The following OPTN variants were observed in gnomAD, a reference collection of about 807,000 sequenced individuals.
The protein encoded by OPTN is optineurin, also known as E3-14.7K-interacting protein.
In OPTN, 54 loss-of-function variants were observed where a neutral mutation model predicts 70.4. That is an observed-to-expected ratio of 0.77 (90% CI 0.62 to 0.96). The LOEUF is 0.96. Ranked by LOEUF, OPTN falls within the 40% of genes least tolerant of loss-of-function variation. OPTN has a pLI of 0.00. For synonymous variants in OPTN, 256 were observed against 248.5 expected (o/e 1.03, Z -0.28); for missense variants, 624 against 673.2 (o/e 0.93, Z 0.81).
chr10:13,133,501 G>T lies in OPTN; in HGVS notation c.1533-1G>T. ...CAGCGTGTTGCTTTTCGTCCTGGCAGGCAGTCCTTGATGGAGATGCAGAGT... is the reference window on the plus strand; with the variant it reads ...CAGCGTGTTGCTTTTCGTCCTGGCATGCAGTCCTTGATGGAGATGCAGAGT... On this transcript the variant is annotated splice_acceptor_variant, in intron 13 of 14. Transcript: ENST00000378747. LOFTEE classifies it high-confidence loss of function. 1 of 1,614,078 alleles carries T rather than the reference G, an allele frequency of 6.2e-7. No homozygotes were observed. The highest frequency in any genetic ancestry group is 1.1e-5 in the South Asian group (1 of 91,076).
At chr10:13,122,349 G>C (rs1312905194) in intron 7 of OPTN, 36 bp from the exon 8 acceptor site, 3 of 1,438,750 alleles carry the variant, frequency 2.1e-6, no homozygotes, top group East Asian at 2.3e-5. Flanking sequence ...TAAAGCCAAA[G>C]AGAAAGTAAC....
chr10:13,108,738 G>C (rs1832923411), intron 2 of OPTN, among the ~76,000 whole-genome samples: 1 of 151,948 alleles, frequency 6.6e-6, no homozygotes, highest in Non-Finnish European at 1.5e-5. Flanking sequence ...AGTAGAGACG[G>C]GGTTTCACTG....
intron 6 of OPTN, 140 bp downstream of exon 6, chr10:13,116,480 G>A: frequency 1.4e-6 from 1 of 717,680 alleles, no homozygotes; most frequent in Middle Eastern, 2.6e-4. Flanking sequence ...CAGAATATTT[G>A]GTTTGAATGC....
intron 13 of OPTN, among the ~76,000 whole-genome samples, 185 bp downstream of exon 13, chr10:13,132,382 T>G (rs1833612271): frequency 6.6e-6 from 1 of 152,138 alleles, no homozygotes; most frequent in East Asian, 1.9e-4. Flanking sequence ...ATTGCTTCAC[T>G]TACACTTCAT....
In OPTN at chr10:13,124,028, GTGACA is replaced by G. The variant is rs786205611; in HGVS notation, c.918_922del (p.Thr307SerfsTer3). The G allele has an allele frequency of 6.2e-7, 1 of 1,613,820 alleles. No individual in the cohort carries two copies. The highest frequency in any genetic ancestry group is 8.5e-7 in the Non-Finnish European group (1 of 1,179,900). Reference sequence around the variant, plus strand: ...CGAAGTGGAAGCACTGAACCTCCAGGTGACATCTCTGTTTAAGGAGCTTCAAGAGG... The same window carrying G: ...CGAAGTGGAAGCACTGAACCTCCAGGTCTCTGTTTAAGGAGCTTCAAGAGG... On this transcript the variant is annotated frameshift_variant, in exon 9 of 15. Transcript: ENST00000378747. LOFTEE classifies it high-confidence loss of function.
intron 5 of OPTN, among the ~76,000 whole-genome samples, chr10:13,115,441 TA>T (rs1833161735): frequency 1.9e-5 from 2 of 103,128 alleles, no homozygotes; most frequent in South Asian, 5.5e-4. Context: ...ATAGAATATA[TA>T]TAATATATTC....
intron 12 of OPTN, among the ~76,000 whole-genome samples, chr10:13,131,830 A>G (rs944474134): frequency 1.3e-5 from 2 of 152,204 alleles, no homozygotes; most frequent in Non-Finnish European, 2.9e-5. Context: ...TAAACTACCT[A>G]TATCAGTGCA....
chr10:13,115,568 T>C (rs1833186883), intron 5 of OPTN, among the ~76,000 whole-genome samples: 1 of 122,418 alleles, frequency 8.2e-6, no homozygotes, highest in Admixed American at 9.8e-5. Flanking sequence ...TATTATACAA[T>C]TAATATATAA....
At chr10:13,115,089 C>A (rs1213519298) in intron 5 of OPTN, among the ~76,000 whole-genome samples, 2 of 28,518 alleles carry the variant, frequency 7.0e-5, no homozygotes, top group Non-Finnish European at 1.3e-4. Context: ...ATAGATATAT[C>A]TATTTTATAT....
chr10:13,115,245 ATC>A (rs1352369984), intron 5 of OPTN, among the ~76,000 whole-genome samples: 1 of 85,618 alleles, frequency 1.2e-5, no homozygotes, highest in African/African-American at 4.9e-5. Context: ...ATCTATATAT[ATC>A]TATATTTATA....
chr10:13,111,579 T>C (rs948855649), intron 4 of OPTN, among the ~76,000 whole-genome samples: 2 of 151,820 alleles, frequency 1.3e-5, no homozygotes, highest in Middle Eastern at 3.2e-3. Context: ...GTGCCTGTAG[T>C]CCCAGCTACT....
intron 1 of OPTN, among the ~76,000 whole-genome samples, chr10:13,102,296 C>G (rs1832768969): frequency 6.6e-6 from 1 of 152,176 alleles, no homozygotes; most frequent in Non-Finnish European, 1.5e-5. Context: ...TCAGTTGGGC[C>G]TGGGCCCTGA....
At chr10:13,124,187 T>C (rs938773766) in intron 9 of OPTN, 77 bp downstream of exon 9, 2 of 820,182 alleles carry the variant, frequency 2.4e-6, no homozygotes, top group African/African-American at 1.7e-5. Flanking sequence ...AAAAACATAG[T>C]TTTTTAACTA....
Position 13,110,267 on chromosome 10 carries a change from C to T in OPTN, c.167-7C>T, listed in dbSNP as rs759214569. The T allele has an allele frequency of 1.9e-6, 3 of 1,613,436 alleles. No homozygotes were observed. The highest frequency in any genetic ancestry group is 2.5e-6 in the Non-Finnish European group (3 of 1,179,908). On this transcript the variant is annotated splice_polypyrimidine_tract_variant and splice_region_variant and intron_variant, in intron 3 of 14. Coordinates refer to ENST00000378747, the MANE Select transcript of OPTN (RefSeq NM_001008212.2). ...TGTGTGACTCCATCACTCTGAACCT[C>T]CTGCAGAAGCCATGAAGCTAAATAA...
chr10:13,137,247 C>G lies in OPTN; in HGVS notation c.*381C>G. 2.8e-6 allele frequency: 1 copy of G among 362,768 alleles called. No homozygotes were observed. The highest frequency in any genetic ancestry group is 4.7e-5 in the East Asian group (1 of 21,180). The allele number at this position is 362,768 out of a possible 1,614,324, so 22.5% of individuals were successfully genotyped here. Reference sequence around the variant, plus strand: ...TGAGCCGAGACGACACCACTGCACTCCAGCCTGGGTGACAGAGGGAGACTC... The same window carrying G: ...TGAGCCGAGACGACACCACTGCACTGCAGCCTGGGTGACAGAGGGAGACTC... On this transcript the variant is annotated 3_prime_UTR_variant, in exon 15 of 15. Coordinates refer to ENST00000378747, the MANE Select transcript of OPTN (RefSeq NM_001008212.2).
intron 5 of OPTN, among the ~76,000 whole-genome samples, chr10:13,115,487 C>G (rs548021203): frequency 1.1e-5 from 1 of 91,230 alleles, no homozygotes; most frequent in Non-Finnish European, 1.8e-5. Context: ...ATAATATATT[C>G]TATATTATAT....
At chr10:13,109,015 A>G in intron 2 of OPTN, 97 bp from the exon 3 acceptor site, 2 of 1,088,580 alleles carry the variant, frequency 1.8e-6, no homozygotes, top group Non-Finnish European at 2.8e-6. Context: ...CAACTTTTGG[A>G]GTAAGTATTA....
Position 13,105,855 on chromosome 10 carries a change from A to C in OPTN, c.-163-2283A>C, listed in dbSNP as rs148469216. Among the ~76,000 whole-genome samples, 818 of 152,060 alleles carry C rather than the reference A, an allele frequency of 5.4e-3. 6 individuals carry two copies. The highest frequency in any genetic ancestry group is 0.018 in the African/African-American group (735 of 41,462). On this transcript the variant is annotated intron_variant, in intron 1 of 14. Transcript: ENST00000378747. ...ATCTGAAAGGCAGAGGTTGCAGTGAACTGAGATTGTGCCACTGTACTCCAG... is the reference window on the plus strand; with the variant it reads ...ATCTGAAAGGCAGAGGTTGCAGTGACCTGAGATTGTGCCACTGTACTCCAG...
intron 2 of OPTN, 152 bp from the exon 3 acceptor site, chr10:13,108,960 A>C: frequency 1.3e-6 from 1 of 755,010 alleles, no homozygotes; most frequent in Non-Finnish European, 2.4e-6. Flanking sequence ...TTTGTTTAAA[A>C]GGAAGAATCA....
Sources: gnomAD v4.1 joint callset for allele counts (sites outside exome capture counted in the v4.1 genomes callset) on GRCh38, gnomAD v4.1.1 for gene constraint, MANE v1.5 for transcripts, NCBI Gene and HGNC (gene_info 2026-07-23, HGNC 2026-07-21) for gene names.